CIT: variants seen among roughly 807,000 people sequenced by gnomAD.
CIT encodes the protein citron rho-interacting serine/threonine kinase, also known as citron Rho-interacting kinase.
CIT carries 79 observed loss-of-function variants against 272.7 expected under a neutral mutation model. That is an observed-to-expected ratio of 0.29 (90% CI 0.24 to 0.35). CIT has a LOEUF of 0.35. Ranked by LOEUF, CIT falls within the 10% of genes least tolerant of loss-of-function variation. The pLI is 1.00. For missense variants in CIT, 1,909 were observed against 2,618.3 expected, an observed-to-expected ratio of 0.73 and a Z score of 5.91; for synonymous variants, 948 against 995.6, an observed-to-expected ratio of 0.95 and a Z score of 0.90.
At chr12:119,727,788 A>G (rs1343626796) in intron 28 of CIT, among the ~76,000 whole-genome samples, 1 of 151,960 alleles carries the variant, frequency 6.6e-6, no homozygotes, top group Non-Finnish European at 1.5e-5. Flanking sequence ...AAATTAGTCG[A>G]GCATGGAGGC....
intron 6 of CIT, among the ~76,000 whole-genome samples, chr12:119,833,683 A>AAAG (rs1368618171): frequency 6.6e-6 from 1 of 151,842 alleles, no homozygotes; most frequent in African/African-American, 2.4e-5. Context: ...AAAAAAAAAA[A>AAAG]AAAATTGTAA....
chr12:119,872,725 T>A (rs1950718356), intron 2 of CIT, among the ~76,000 whole-genome samples: 1 of 152,210 alleles, frequency 6.6e-6, no homozygotes, highest in African/African-American at 2.4e-5. Flanking sequence ...TGGCCTCATC[T>A]GCAAAACCCA....
chr12:119,820,945 G>A (rs1967652691), intron 9 of CIT, among the ~76,000 whole-genome samples: 1 of 152,116 alleles, frequency 6.6e-6, no homozygotes, highest in Non-Finnish European at 1.5e-5. Flanking sequence ...ATTCCTGCCT[G>A]GCCCACAGAG....
At position 119,690,459 on chromosome 12, in the gene CIT, C is replaced by T. The variant is rs753391537; in HGVS notation, c.5883-5G>A. 8.2e-6 allele frequency: 13 copies of T among 1,579,580 alleles called. No homozygotes were observed. Among genetic ancestry groups the T allele is most frequent in the Non-Finnish European group, 1.0e-5 (12 of 1,171,598 alleles). ...GGGCCTCGCTTGTTGGGGCTGCTGGCGACACAAGAGGAACGTAGGGAGCTG... is the reference window on the plus strand; with the variant it reads ...GGGCCTCGCTTGTTGGGGCTGCTGGTGACACAAGAGGAACGTAGGGAGCTG... On this transcript the variant is annotated splice_polypyrimidine_tract_variant and splice_region_variant and intron_variant, in intron 46 of 47. Coordinates refer to ENST00000392521, the MANE Select transcript of CIT (RefSeq NM_001206999.2). This position sits in a 1 kb window ranked among gnomAD's most constrained non-coding sequence, Gnocchi z 6.0.
chr12:119,735,244 G>T lies in CIT; in HGVS notation c.3072C>A (p.Asp1024Glu). 1.2e-6 allele frequency: 2 copies of T among 1,614,162 alleles called. No homozygotes were observed. The highest frequency in any genetic ancestry group is 1.7e-6 in the Non-Finnish European group (2 of 1,180,042). ...CTTCACTTCGCAGTTGTACAATCTC[G>T]TCGTTGGCGCCAGAAGCCTCATCGA... ...KQLDEASGAN[D>E]EIVQLRSEVD... The change falls in exon 25 of 48, where the codon GAC becomes GAA. Residue 1024 changes from aspartate to glutamate, a missense_variant. This residue lies in a region of CIT where 530 missense variants were observed against 822.4 expected (regional missense o/e 0.64). Coordinates refer to ENST00000392521, the MANE Select transcript of CIT (RefSeq NM_001206999.2).
chr12:119,857,686 A>G lies in CIT; in HGVS notation c.251T>C (p.Ile84Thr), dbSNP rs1335618546. 3.7e-6 allele frequency: 6 copies of G among 1,614,026 alleles called. No homozygotes were observed. The highest frequency in any genetic ancestry group is 5.1e-6 in the Non-Finnish European group (6 of 1,179,954). ...AGGCTGGAGCTCCTGTAACTCAGCT[A>G]TGGTGTCGGAATCTGCAAAAGATGC... ...SNFVRKYSDT[I>T]AELQELQPSA... Residue 84 changes from isoleucine to threonine, a missense_variant, in exon 4 of 48, where the codon ATA becomes ACA. Transcript: ENST00000392521.
chr12:119,708,322 A>T lies in CIT; in HGVS notation c.5072-4T>A, dbSNP rs760676713. The T allele has an allele frequency of 1.3e-6, 2 of 1,578,330 alleles. No individual in the cohort carries two copies. The highest frequency in any genetic ancestry group is 2.3e-5 in the South Asian group (2 of 85,746). On this transcript the variant is annotated splice_region_variant and splice_polypyrimidine_tract_variant and intron_variant, in intron 39 of 47. Transcript: ENST00000392521. ...AGACACAGTGCCCGCTCTTCTCCTG[A>T]ACAGGAAAAGGAACAACCTCTCGTC...
chr12:119,786,865 T>C (rs1964837036), intron 10 of CIT, among the ~76,000 whole-genome samples: 1 of 152,222 alleles, frequency 6.6e-6, no homozygotes, highest in Admixed American at 6.5e-5. Context: ...CACATGCCTA[T>C]AATCTCAACA....
intron 22 of CIT, among the ~76,000 whole-genome samples, chr12:119,756,500 G>A (rs745361638): frequency 1.1e-4 from 16 of 152,202 alleles, no homozygotes; most frequent in Admixed American, 3.9e-4. Flanking sequence ...CTATGCAGAT[G>A]AAGGGATAGT....
At chr12:119,850,682 T>C (rs1970166680) in intron 4 of CIT, among the ~76,000 whole-genome samples, 1 of 152,218 alleles carries the variant, frequency 6.6e-6, no homozygotes, top group Non-Finnish European at 1.5e-5. Flanking sequence ...TAAATATTTT[T>C]CTCTTCCTCT....
At chr12:119,797,350 A>G (rs945119203) in intron 10 of CIT, among the ~76,000 whole-genome samples, 2 of 152,248 alleles carry the variant, frequency 1.3e-5, no homozygotes, top group Non-Finnish European at 2.9e-5. Context: ...GCAGGCACGC[A>G]CAGTCTAAAT....
intron 7 of CIT, among the ~76,000 whole-genome samples, chr12:119,828,135 T>C (rs1968318008): frequency 6.6e-6 from 1 of 152,176 alleles, no homozygotes; most frequent in Non-Finnish European, 1.5e-5. Context: ...TTTTGCCCCC[T>C]AACAGATACA....
intron 9 of CIT, among the ~76,000 whole-genome samples, chr12:119,820,327 G>C (rs961245007): frequency 6.6e-6 from 1 of 152,118 alleles, no homozygotes; most frequent in South Asian, 2.1e-4. Context: ...AAGGTAGGCA[G>C]ATCACCTGAG....
chr12:119,876,352 T>C (rs1460595040), intron 1 of CIT, among the ~76,000 whole-genome samples, 171 bp from the exon 2 acceptor site: 1 of 152,172 alleles, frequency 6.6e-6, no homozygotes, highest in African/African-American at 2.4e-5. Context: ...TTTAACTCAC[T>C]GTGACAGGAG....
chr12:119,711,090 G>A (rs778012604), intron 37 of CIT: 15 of 1,366,588 alleles, frequency 1.1e-5, no homozygotes, highest in Non-Finnish European at 1.5e-5. Context: ...ACACAGTCGC[G>A]GGCCTATTGT....
Position 119,734,272 on chromosome 12 carries a change from T to C in CIT, c.3242A>G (p.Lys1081Arg). 1.9e-6 allele frequency: 3 copies of C among 1,613,902 alleles called. No homozygotes were observed. The highest frequency in any genetic ancestry group is 2.5e-6 in the Non-Finnish European group (3 of 1,179,984). The change falls in exon 26 of 48, where the codon AAA becomes AGA. Residue 1081 changes from lysine (K) to arginine (R), a missense_variant. Around this residue, in one of 8 missense-constraint regions of CIT, gnomAD observed 530 missense variants for 822.4 expected, o/e 0.64. Coordinates refer to ENST00000392521, the MANE Select transcript of CIT (RefSeq NM_001206999.2). ...LEALNDELLE[K>R]ERQWEAWRSV... is the part of the protein sequence containing the mutation. ...CCTCCAGGCCTCCCACTGCCGCTCT[T>C]TTTCTAGCAGCTCATCGTTTAGGGC...
rs150282097 is a variant in CIT at position 119,779,682 on chromosome 12, CAG to C, written c.1665+2834_1665+2835del. Among the ~76,000 whole-genome samples, 530 of 152,258 alleles carry C rather than the reference CAG, an allele frequency of 3.5e-3. 2 individuals are homozygous for C. The highest frequency in any genetic ancestry group is 0.012 in the African/African-American group (487 of 41,548). On this transcript the variant is annotated intron_variant, in intron 13 of 47. Coordinates refer to ENST00000392521, the MANE Select transcript of CIT (RefSeq NM_001206999.2). ...TTTTGTGTTTTGTCAAGAGCAAGGA[CAG>C]AGTGTCTGTTCCTTCCCCCCAACAT...
At chr12:119,857,774 A>G in intron 3 of CIT, 76 bp from the exon 4 acceptor site, 2 of 1,380,854 alleles carry the variant, frequency 1.4e-6, no homozygotes, top group Non-Finnish European at 2.0e-6. Context: ...GAAAAAAAAA[A>G]AAGAAAATAG....
chr12:119,704,333 C>T (rs764587176), intron 41 of CIT, 30 bp downstream of exon 41: 11 of 1,602,172 alleles, frequency 6.9e-6, no homozygotes, highest in Non-Finnish European at 6.8e-6. Flanking sequence ...GGCTTTCCCA[C>T]GTTCAACCAA....
Sources: allele counts gnomAD v4.1 joint callset (sites outside exome capture counted in the v4.1 genomes callset), GRCh38; gene constraint gnomAD v4.1.1; regional missense constraint gnomAD v4.1.1; non-coding constraint Gnocchi (gnomAD v3.1); transcripts MANE v1.5; gene names NCBI Gene and HGNC (gene_info 2026-07-23, HGNC 2026-07-21).